CHRNA7: variants seen among roughly 807,000 people sequenced by gnomAD.
CHRNA7 encodes cholinergic receptor nicotinic alpha 7 subunit.
In CHRNA7, 17 loss-of-function variants were observed where a neutral mutation model predicts 48.0. The ratio of observed to expected loss-of-function variants is 0.35; its 90% CI spans 0.24 to 0.53. CHRNA7 has a LOEUF of 0.53. Ranked by LOEUF, CHRNA7 falls within the 20% of genes least tolerant of loss-of-function variation. The pLI is 0.92. For missense variants in CHRNA7, 155 were observed against 577.7 expected (o/e 0.27, Z 7.50); for synonymous variants, 75 against 242.3 (o/e 0.31, Z 6.41).
rs974735712 is a variant in CHRNA7 at position 32,030,648 on chromosome 15, C to T, written c.54C>T (p.His18=). ...TGGCGCTGGCCGCGTCGCTCCTGCA[C>T]GGTAAAGCCACTGCCTCCCCGCCCT... ...VWLALAASLL[H]VSLQGEFQRK... is the part of the protein sequence containing the mutation. Residue 18 remains histidine (H), a splice_region_variant and synonymous_variant, in exon 1 of 10, where the codon CAC becomes CAT. Coordinates refer to ENST00000306901, the MANE Select transcript of CHRNA7 (RefSeq NM_000746.6). 1.3e-5 allele frequency: 21 copies of T among 1,577,638 alleles called. No homozygotes were observed. The highest frequency in any genetic ancestry group is 4.1e-5 in the African/African-American group (3 of 72,370).
At chr15:32,140,081 C>G (rs1381311742) in intron 4 of CHRNA7, among the ~76,000 whole-genome samples, 2 of 150,894 alleles carry the variant, frequency 1.3e-5, no homozygotes, top group Non-Finnish European at 3.0e-5. Context: ...CAGCCCCCCA[C>G]CCCCCGAGAG....
At chr15:32,116,533 T>C (rs2050874888) in intron 4 of CHRNA7, among the ~76,000 whole-genome samples, 1 of 152,224 alleles carries the variant, frequency 6.6e-6, no homozygotes, top group South Asian at 2.1e-4. Flanking sequence ...AGCCTGCGGC[T>C]CAAGGAGTTT....
Position 32,030,656 on chromosome 15 carries a change from C to A in CHRNA7, c.55+7C>A. The A allele has an allele frequency of 1.3e-6, 2 of 1,573,706 alleles. No homozygotes were observed. Among genetic ancestry groups the A allele is most frequent in the East Asian group, 2.4e-5 (1 of 42,048 alleles). On this transcript the variant is annotated splice_region_variant and intron_variant, in intron 1 of 9. Coordinates refer to ENST00000306901, the MANE Select transcript of CHRNA7 (RefSeq NM_000746.6). ...GCCGCGTCGCTCCTGCACGGTAAAG[C>A]CACTGCCTCCCCGCCCTCCACTCCT...
At chr15:32,069,724 A>G (rs944393978) in intron 2 of CHRNA7, among the ~76,000 whole-genome samples, 4 of 152,210 alleles carry the variant, frequency 2.6e-5, no homozygotes, top group Non-Finnish European at 4.4e-5. Context: ...TACATTAATT[A>G]TGGCTCATTT....
intron 4 of CHRNA7, chr15:32,112,402 A>G: frequency 2.2e-6 from 1 of 456,602 alleles, no homozygotes. Context: ...GCATGCAGAA[A>G]CTTCCCCTGC....
intron 2 of CHRNA7, among the ~76,000 whole-genome samples, chr15:32,044,419 A>G (rs2049503777): frequency 6.6e-6 from 1 of 152,168 alleles, no homozygotes; most frequent in Non-Finnish European, 1.5e-5. Flanking sequence ...CTGGAACTAC[A>G]GGTGTGCACC....
intron 2 of CHRNA7, among the ~76,000 whole-genome samples, chr15:32,055,997 A>C (rs1398887195): frequency 6.6e-6 from 1 of 151,678 alleles, no homozygotes; most frequent in Non-Finnish European, 1.5e-5. Context: ...AAACCAAAAA[A>C]CAAAACCATT....
chr15:32,110,190 A>C (rs182929684), intron 3 of CHRNA7, among the ~76,000 whole-genome samples: 1 of 152,326 alleles, frequency 6.6e-6, no homozygotes, highest in African/African-American at 2.4e-5. Flanking sequence ...TGGCTGTGGC[A>C]GGGCCTTGTG....
At chr15:32,146,203 AG>A (rs2051486432) in intron 4 of CHRNA7, among the ~76,000 whole-genome samples, 1 of 152,232 alleles carries the variant, frequency 6.6e-6, no homozygotes, top group South Asian at 2.1e-4. Context: ...TTCTATTAAA[AG>A]ATTGAGGCAG....
At chr15:32,043,846 C>G (rs118112935) in intron 2 of CHRNA7, among the ~76,000 whole-genome samples, 1,650 of 152,234 alleles carry the variant, frequency 0.011, 16 homozygotes, top group Non-Finnish European at 0.018. Context: ...ACTTCTCTTT[C>G]TTGAGAGTCT....
chr15:32,142,841 C>A (rs1428448253), intron 4 of CHRNA7, among the ~76,000 whole-genome samples: 1 of 152,034 alleles, frequency 6.6e-6, no homozygotes, highest in African/African-American at 2.4e-5. Flanking sequence ...AGCGGTCTGT[C>A]TATTTTGTTG....
chr15:32,075,543 ATCC>A (rs2050123994), intron 2 of CHRNA7, among the ~76,000 whole-genome samples: 1 of 151,384 alleles, frequency 6.6e-6, no homozygotes, highest in Non-Finnish European at 1.5e-5. Flanking sequence ...CTGCATTCAT[ATCC>A]TCTATTTTAG....
At chr15:32,136,193 A>G (rs1403252887) in intron 4 of CHRNA7, among the ~76,000 whole-genome samples, 1 of 152,180 alleles carries the variant, frequency 6.6e-6, no homozygotes, top group Middle Eastern at 3.2e-3. Context: ...ATTTGAGAGT[A>G]TTAAAAACAA....
chr15:32,127,422 T>C (rs1445107070), intron 4 of CHRNA7, among the ~76,000 whole-genome samples: 1 of 152,190 alleles, frequency 6.6e-6, no homozygotes, highest in Non-Finnish European at 1.5e-5. Flanking sequence ...CGTTCCCACC[T>C]AAGTGATCAA....
intron 2 of CHRNA7, among the ~76,000 whole-genome samples, chr15:32,042,287 G>A (rs2049463181): frequency 6.6e-6 from 1 of 152,162 alleles, no homozygotes; most frequent in East Asian, 1.9e-4. Context: ...GCTAGAGTGG[G>A]TGGAGTTCAG....
Position 32,149,931 on chromosome 15 carries a change from T to C in CHRNA7, c.351-3976T>C, listed in dbSNP as rs960525549. On this transcript the variant is annotated intron_variant, in intron 4 of 9. Transcript: ENST00000306901. The surrounding 1 kb of genome is among the most constrained non-coding windows in gnomAD (Gnocchi z 4.6). ...ACAGATGCTCAGTCTTGATTATAAA[T>C]ATGAAAATCAGACAGGAAGAAACCC... Among the ~76,000 whole-genome samples, 6 of 152,080 alleles carry C rather than the reference T, an allele frequency of 3.9e-5. No individual in the cohort carries two copies. The highest frequency in any genetic ancestry group is 1.4e-4 in the African/African-American group (6 of 41,420).
Position 32,106,031 on chromosome 15 carries a change from A to T in CHRNA7, c.240+4684A>T, listed in dbSNP as rs532634219. On this transcript the variant is annotated intron_variant, in intron 3 of 9. Transcript: ENST00000306901. ...ACATGAGGAACTCAGGAGTCACCAG[A>T]GCAAGCTTGGATGCTGCCCAGAGGC... Among the ~76,000 whole-genome samples, 39 of 152,310 alleles carry T rather than the reference A, an allele frequency of 2.6e-4. 1 individual carries two copies. The South Asian group carries it at 7.5e-3, about 29-fold the overall frequency.
intron 2 of CHRNA7, among the ~76,000 whole-genome samples, chr15:32,042,635 G>A (rs1290695304): frequency 6.6e-6 from 1 of 152,144 alleles, no homozygotes; most frequent in African/African-American, 2.4e-5. Context: ...TCTGCTGCTG[G>A]TTCCTGTGGT....
intron 4 of CHRNA7, among the ~76,000 whole-genome samples, chr15:32,139,447 C>T (rs2051336130): frequency 6.6e-6 from 1 of 152,216 alleles, no homozygotes; most frequent in African/African-American, 2.4e-5. Context: ...AAACTGCCTT[C>T]CAAAGTGACT....
Sources: gnomAD v4.1 joint callset for allele counts (sites outside exome capture counted in the v4.1 genomes callset) on GRCh38, gnomAD v4.1.1 for gene constraint, Gnocchi (gnomAD v3.1) non-coding constraint, MANE v1.5 for transcripts, NCBI Gene and HGNC (gene_info 2026-07-23, HGNC 2026-07-21) for gene names.